Variants in SPOCK3 observed in about 807,000 individuals in gnomAD.
SPOCK3 encodes the protein testican-3.
In SPOCK3, 30 loss-of-function variants were observed where a neutral mutation model predicts 56.6. The observed-to-expected ratio is 0.53, with a 90% CI of 0.40 to 0.72. SPOCK3 has a LOEUF of 0.72. Ranked by LOEUF, SPOCK3 falls within the 30% of genes least tolerant of loss-of-function variation. SPOCK3 has a pLI of 0.00. For synonymous variants in SPOCK3, 196 were observed against 183.3 expected (o/e 1.07, Z -0.56); for missense variants, 527 against 530.0 (o/e 0.99, Z 0.06).
chr4:167,120,788 T>C (rs1012691786), intron 2 of SPOCK3, among the ~76,000 whole-genome samples: 1 of 88,932 alleles, frequency 1.1e-5, no homozygotes, highest in Non-Finnish European at 2.2e-5. Flanking sequence ...TCAAAAATGG[T>C]TATCTTTGCA....
At chr4:167,144,723 G>GAAAAAAA (rs60489300) in intron 2 of SPOCK3, among the ~76,000 whole-genome samples, 1 of 141,926 alleles carries the variant, frequency 7.0e-6, no homozygotes. Flanking sequence ...AGATATCTAG[G>GAAAAAAA]AAAAAAAAAA....
At chr4:167,189,358 CAATT>C (rs938720749) in intron 2 of SPOCK3, among the ~76,000 whole-genome samples, 1 of 145,466 alleles carries the variant, frequency 6.9e-6, no homozygotes, top group African/African-American at 2.6e-5. Flanking sequence ...ATTACAAATG[CAATT>C]AATAATATAC....
intron 6 of SPOCK3, among the ~76,000 whole-genome samples, chr4:166,857,710 C>T (rs571640104): frequency 9.2e-5 from 14 of 152,088 alleles, no homozygotes; most frequent in South Asian, 8.3e-4. Context: ...TATGTCTTTC[C>T]AGCTCCAAAT....
intron 8 of SPOCK3, among the ~76,000 whole-genome samples, chr4:166,749,729 T>G (rs1250042114): frequency 6.6e-6 from 1 of 152,162 alleles, no homozygotes; most frequent in Admixed American, 6.6e-5. Context: ...TATTTCATTT[T>G]GAAATTGATC....
At position 166,734,775 on chromosome 4, in the gene SPOCK3, C is replaced by A. The variant is rs892637473; in HGVS notation, c.*146G>T. On this transcript the variant is annotated 3_prime_UTR_variant, in exon 11 of 11. Transcript: ENST00000357545. ...CTTATTTAAACATAAAGTTCTATAA[C>A]TTTAGCTGCAATTTTTCAAATAATT... The A allele has an allele frequency of 2.9e-6, 2 of 697,374 alleles. No individual in the cohort carries two copies. The highest frequency in any genetic ancestry group is 4.5e-6 in the Non-Finnish European group (2 of 442,188). The allele number at this position is 697,374 out of a possible 1,614,324, so 43.2% of individuals were successfully genotyped here.
Position 166,911,998 on chromosome 4 carries a change from T to C in SPOCK3, c.474+622A>G, listed in dbSNP as rs1286640130. On this transcript the variant is annotated intron_variant, in intron 5 of 10. Coordinates refer to ENST00000357545, the MANE Select transcript of SPOCK3 (RefSeq NM_001040159.2). The stretch of plus-strand genomic sequence containing the variant: ...CCTGAACTCCTTACTTTCTGTTACA[T>C]AAGCTAAGGAAATTTATCAATGTCT... 2.6e-5 allele frequency among the ~76,000 whole-genome samples: 4 copies of C among 152,178 alleles called. 1 individual carries two copies. Among genetic ancestry groups the C allele is most frequent in the Admixed American group, 6.6e-5 (1 of 15,260 alleles).
chr4:167,025,874 TA>T (rs1411097744), intron 3 of SPOCK3, among the ~76,000 whole-genome samples: 5 of 152,086 alleles, frequency 3.3e-5, no homozygotes, highest in Non-Finnish European at 7.4e-5. Flanking sequence ...ACCTAAATGG[TA>T]CAGTCTACTA....
intron 3 of SPOCK3, among the ~76,000 whole-genome samples, chr4:167,039,676 TAA>T (rs34598758): frequency 0.25 from 38,081 of 150,260 alleles, 5,055 homozygotes; most frequent in Middle Eastern, 0.37. Flanking sequence ...ATTTACTAAA[TAA>T]AAAAAAAAAA....
chr4:167,021,783 A>C (rs1265678191), intron 3 of SPOCK3, among the ~76,000 whole-genome samples: 1 of 152,026 alleles, frequency 6.6e-6, no homozygotes, highest in Non-Finnish European at 1.5e-5. Context: ...ATAATTTCGG[A>C]TGGCACAAAT....
chr4:167,222,733 A>G (rs1037298800), intron 2 of SPOCK3, among the ~76,000 whole-genome samples: 1 of 131,272 alleles, frequency 7.6e-6, no homozygotes, highest in East Asian at 2.2e-4. Flanking sequence ...ATATGAATAT[A>G]TAAATATATA....
At chr4:166,821,118 C>A (rs1389836921) in intron 6 of SPOCK3, among the ~76,000 whole-genome samples, 1 of 151,690 alleles carries the variant, frequency 6.6e-6, no homozygotes, top group Non-Finnish European at 1.5e-5. Flanking sequence ...TTAAAATAAT[C>A]CAGTTGAAAT....
intron 4 of SPOCK3, among the ~76,000 whole-genome samples, chr4:166,919,414 G>T (rs1233557811): frequency 1.3e-5 from 2 of 152,062 alleles, no homozygotes; most frequent in Non-Finnish European, 2.9e-5. Flanking sequence ...TAAGTGGTGG[G>T]CATATTCATA....
At chr4:166,745,615 T>C (rs10007269) in intron 8 of SPOCK3, among the ~76,000 whole-genome samples, 119,786 of 151,714 alleles carry the variant, frequency 0.79, 47,534 homozygotes, top group South Asian at 0.82. Flanking sequence ...ATCATAACGA[T>C]AGGATCAAAT....
intron 2 of SPOCK3, among the ~76,000 whole-genome samples, chr4:167,161,821 ATAGGTGGGAAT>A (rs1167094744): frequency 6.8e-6 from 1 of 146,010 alleles, no homozygotes. Context: ...GTTCTCACTC[ATAGGTGGGAAT>A]TGAACAATGA....
chr4:166,742,887 T>C (rs1489816219), intron 8 of SPOCK3, among the ~76,000 whole-genome samples: 2 of 152,160 alleles, frequency 1.3e-5, no homozygotes, highest in African/African-American at 2.4e-5. Context: ...TTCATATCTG[T>C]GAGTTCTGCA....
At chr4:166,814,222 C>A (rs975513182) in intron 6 of SPOCK3, among the ~76,000 whole-genome samples, 2 of 152,052 alleles carry the variant, frequency 1.3e-5, no homozygotes, top group Admixed American at 6.6e-5. Flanking sequence ...AGCTTAGAGT[C>A]GAATTTGGCT....
At chr4:167,048,244 A>G (rs1753895674) in intron 3 of SPOCK3, among the ~76,000 whole-genome samples, 1 of 151,986 alleles carries the variant, frequency 6.6e-6, no homozygotes, top group Non-Finnish European at 1.5e-5. Context: ...TCAACTCATC[A>G]TCTTTCTAGA....
intron 4 of SPOCK3, among the ~76,000 whole-genome samples, chr4:166,929,981 A>T (rs7699507): frequency 6.6e-6 from 1 of 152,062 alleles, no homozygotes; most frequent in Non-Finnish European, 1.5e-5. Flanking sequence ...ATAATGTTTA[A>T]AAAATGACAT....
chr4:166,951,071 G>T (rs1377924463), intron 4 of SPOCK3, among the ~76,000 whole-genome samples: 1 of 140,732 alleles, frequency 7.1e-6, no homozygotes, highest in Non-Finnish European at 1.5e-5. Context: ...CAGAAGACAA[G>T]AAATAACTAA....
Sources: gnomAD v4.1 joint callset for allele counts (sites outside exome capture counted in the v4.1 genomes callset) on GRCh38, gnomAD v4.1.1 for gene constraint, MANE v1.5 for transcripts, NCBI Gene and HGNC (gene_info 2026-07-23, HGNC 2026-07-21) for gene names.